The following RBM20 variants were observed in gnomAD, a reference collection of about 807,000 sequenced individuals.
The protein encoded by RBM20 is RNA binding motif protein 20, also known as RNA-binding protein 20.
In RBM20, 51 loss-of-function variants were observed where a neutral mutation model predicts 110.1. The ratio of observed to expected loss-of-function variants is 0.46; its 90% CI spans 0.37 to 0.59. The LOEUF (loss-of-function observed/expected upper bound fraction) is 0.59, where lower values mean the gene tolerates loss of function less well. Among genes scored for constraint, RBM20 ranks in the 20% least tolerant of loss-of-function variants. The probability of loss-of-function intolerance (pLI) is 0.00; values close to 1 mark genes in which losing one functional copy is unlikely to be tolerated. For missense variants in RBM20, 1,512 were observed against 1,574.9 expected, an observed-to-expected ratio of 0.96 and a Z score of 0.68; for synonymous variants, 589 against 618.2, an observed-to-expected ratio of 0.95 and a Z score of 0.70.
intron 5 of RBM20, among the ~76,000 whole-genome samples, chr10:110,791,423 G>T (rs1378966374): frequency 6.6e-6 from 1 of 152,154 alleles, no homozygotes; most frequent in East Asian, 1.9e-4. Flanking sequence ...CACCCTGCAG[G>T]CCTGTTGCCC....
intron 1 of RBM20, among the ~76,000 whole-genome samples, chr10:110,776,747 C>T (rs58378081): frequency 4.1e-4 from 62 of 152,334 alleles, no homozygotes; most frequent in Middle Eastern, 3.4e-3. Flanking sequence ...TGTAAGATAA[C>T]ATATTCACAG....
At chr10:110,663,925 G>A (rs887649617) in intron 1 of RBM20, among the ~76,000 whole-genome samples, 1 of 152,036 alleles carries the variant, frequency 6.6e-6, no homozygotes, top group Admixed American at 6.5e-5. Context: ...TACATAATAA[G>A]AGCAATTATG....
intron 1 of RBM20, among the ~76,000 whole-genome samples, chr10:110,681,738 C>T (rs1446906561): frequency 5.3e-5 from 8 of 152,134 alleles, no homozygotes; most frequent in Admixed American, 2.6e-4. Context: ...CTGCACCTAG[C>T]GTTAACATCT....
chr10:110,761,637 C>A (rs1281276732), intron 1 of RBM20, among the ~76,000 whole-genome samples: 2 of 152,210 alleles, frequency 1.3e-5, no homozygotes, highest in Admixed American at 1.3e-4. Context: ...CTTTCCCTGA[C>A]TTTGTCCCCA....
At chr10:110,799,367 T>C (rs1449491359) in intron 6 of RBM20, among the ~76,000 whole-genome samples, 1 of 152,210 alleles carries the variant, frequency 6.6e-6, no homozygotes, top group African/African-American at 2.4e-5. Context: ...AGGGCCATCT[T>C]ATAATGAGCT....
At chr10:110,765,502 A>C (rs980456969) in intron 1 of RBM20, among the ~76,000 whole-genome samples, 1 of 152,220 alleles carries the variant, frequency 6.6e-6, no homozygotes, top group Non-Finnish European at 1.5e-5. Context: ...GTGTTTAAAC[A>C]AAACTATTTT....
chr10:110,714,679 G>T (rs545541423), intron 1 of RBM20, among the ~76,000 whole-genome samples: 1 of 152,348 alleles, frequency 6.6e-6, no homozygotes, highest in South Asian at 2.1e-4. Flanking sequence ...ACCAGTAGGA[G>T]CAGCAGATAG....
intron 1 of RBM20, among the ~76,000 whole-genome samples, chr10:110,704,321 T>C (rs1862804852): frequency 6.6e-6 from 1 of 152,176 alleles, no homozygotes; most frequent in African/African-American, 2.4e-5. Flanking sequence ...ATCTTTCCAG[T>C]TTTTGGCTAT....
At chr10:110,644,077 T>G (rs1174148735), upstream of RBM20, among the ~76,000 whole-genome samples, 4 of 152,170 alleles carry the variant, frequency 2.6e-5, no homozygotes, top group African/African-American at 9.6e-5. The surrounding 1 kb of genome is among the most constrained non-coding windows in gnomAD (Gnocchi z 4.3). Flanking sequence ...CGTGGAACGC[T>G]GGGCTACGGA....
chr10:110,713,977 C>A (rs1423860299), intron 1 of RBM20, among the ~76,000 whole-genome samples: 1 of 152,240 alleles, frequency 6.6e-6, no homozygotes, highest in South Asian at 2.1e-4. Context: ...GATACATGGC[C>A]CAAAGGATCA....
chr10:110,674,841 T>C (rs939741283), intron 1 of RBM20, among the ~76,000 whole-genome samples: 3 of 152,254 alleles, frequency 2.0e-5, no homozygotes, highest in Admixed American at 2.0e-4. Context: ...AGGATATGCC[T>C]ATTTGATGTG....
At chr10:110,677,148 T>G (rs1326656236) in intron 1 of RBM20, among the ~76,000 whole-genome samples, 1 of 152,156 alleles carries the variant, frequency 6.6e-6, no homozygotes, top group African/African-American at 2.4e-5. Context: ...GGGTATCACA[T>G]GGTGGAGGAG....
In RBM20 at chr10:110,673,574, T is replaced by C. The variant is rs527562802; in HGVS notation, c.191+28929T>C. Among the ~76,000 whole-genome samples, 163 of 152,378 alleles carry C rather than the reference T, an allele frequency of 1.1e-3. 1 individual carries two copies. Among genetic ancestry groups the C allele is most frequent in the African/African-American group, 3.7e-3 (154 of 41,590 alleles). The stretch of plus-strand genomic sequence containing the variant: ...CCTGCTAGCTGTGCTTAAGTGTTTA[T>C]TTCCGGCCAGCCTCACCAGCACCAG... On this transcript the variant is annotated intron_variant, in intron 1 of 13. Transcript: ENST00000369519.
intron 1 of RBM20, among the ~76,000 whole-genome samples, chr10:110,743,527 A>G (rs1000580992): frequency 1.3e-5 from 2 of 150,892 alleles, no homozygotes; most frequent in African/African-American, 2.4e-5. Flanking sequence ...CAGCCTTCTG[A>G]TTCAGTTTAT....
chr10:110,781,963 A>G, intron 2 of RBM20, 79 bp downstream of exon 2: 1 of 1,520,824 alleles, frequency 6.6e-7, no homozygotes, highest in Admixed American at 2.0e-5. Context: ...TCACGCTGCC[A>G]ATGGGCAAGG....
At position 110,780,819 on chromosome 10, in the gene RBM20, C is replaced by T; in HGVS notation, c.210C>T (p.Asp70=). 3 of 1,528,482 alleles carry T rather than the reference C, an allele frequency of 2.0e-6. No individual in the cohort carries two copies. In the East Asian group the frequency reaches 7.4e-5, roughly 38 times the overall value. The allele number at this position is 1,528,482 out of a possible 1,614,324, so 94.7% of individuals were successfully genotyped here. The change falls in exon 2 of 14, where the codon GAC becomes GAT. Residue 70 remains aspartate, a synonymous_variant. Coordinates refer to ENST00000369519, the MANE Select transcript of RBM20 (RefSeq NM_001134363.3). The part of the protein sequence containing the change: ...QIIQNAAKLL[D]KNPFSVSNPN... ...CCCACAGTGCCGCCAAGCTCCTGGACAAGAACCCATTCTCGGTCAGTAACC... is the reference window on the plus strand; with the variant it reads ...CCCACAGTGCCGCCAAGCTCCTGGATAAGAACCCATTCTCGGTCAGTAACC...
rs373060012 is a variant in RBM20, at chr10:110,770,143, A to C, written c.192-10658A>C. Among the ~76,000 whole-genome samples the C allele has an allele frequency of 3.4e-3, 524 of 152,334 alleles. 5 individuals are homozygous for C. The highest frequency in any genetic ancestry group is 0.012 in the African/African-American group (498 of 41,584). Reference sequence around the variant, plus strand: ...ATGTACATGTTCACGCTCCACCCCCAGATCTTCCGAGTCAGACACAGAGAT... The same window carrying C: ...ATGTACATGTTCACGCTCCACCCCCCGATCTTCCGAGTCAGACACAGAGAT... On this transcript the variant is annotated intron_variant, in intron 1 of 13. Coordinates refer to ENST00000369519, the MANE Select transcript of RBM20 (RefSeq NM_001134363.3).
At chr10:110,679,402 T>G (rs930113582) in intron 1 of RBM20, among the ~76,000 whole-genome samples, 2 of 152,016 alleles carry the variant, frequency 1.3e-5, no homozygotes, top group Non-Finnish European at 2.9e-5. Context: ...TTTTATTTTT[T>G]GTAGAGACAG....
At chr10:110,776,661 G>A (rs1844268953) in intron 1 of RBM20, among the ~76,000 whole-genome samples, 1 of 152,092 alleles carries the variant, frequency 6.6e-6, no homozygotes, top group East Asian at 1.9e-4. Flanking sequence ...ATTACATTGG[G>A]CATACCAAAT....
Sources: gnomAD v4.1 joint callset for allele counts (sites outside exome capture counted in the v4.1 genomes callset) on GRCh38, gnomAD v4.1.1 for gene constraint, Gnocchi (gnomAD v3.1) non-coding constraint, MANE v1.5 for transcripts, NCBI Gene and HGNC (gene_info 2026-07-23, HGNC 2026-07-21) for gene names.